Variants in PKHD1 observed in about 807,000 individuals in gnomAD.
The protein encoded by PKHD1 is fibrocystin.
A neutral mutation model predicts 412.0 loss-of-function variants in PKHD1; 291 were observed. The ratio of observed to expected loss-of-function variants is 0.71; its 90% CI spans 0.64 to 0.78. The LOEUF (loss-of-function observed/expected upper bound fraction) is 0.78, where lower values mean the gene tolerates loss of function less well. Ranked by LOEUF, PKHD1 falls within the 30% of genes least tolerant of loss-of-function variation. The pLI is 0.00. For synonymous variants in PKHD1, 1,777 were observed against 1,821.5 expected (o/e 0.98, Z 0.62); for missense variants, 4,825 against 4,950.7 (o/e 0.97, Z 0.76).
chr6:51,731,838 T>C (rs1327464250), intron 60 of PKHD1, among the ~76,000 whole-genome samples: 2 of 152,190 alleles, frequency 1.3e-5, no homozygotes, highest in East Asian at 1.9e-4. Flanking sequence ...CTTCAAATTA[T>C]GTATAATTTT....
intron 48 of PKHD1, among the ~76,000 whole-genome samples, chr6:51,867,455 C>T (rs1237895314): frequency 2.0e-5 from 3 of 152,020 alleles, no homozygotes; most frequent in African/African-American, 7.2e-5. Flanking sequence ...GCAATTGCTT[C>T]CCTGGAGCAT....
At position 52,024,822 on chromosome 6, in the gene PKHD1, A is replaced by G; in HGVS notation, c.4988T>C (p.Ile1663Thr). ...GGTTAAGATGTCATCGCTCTGAGAAATAGAGATCAATTCTGGGGTAAAGGC... is the reference window on the plus strand; with the variant it reads ...GGTTAAGATGTCATCGCTCTGAGAAGTAGAGATCAATTCTGGGGTAAAGGC... The part of the protein sequence containing the change: ...NKAFTPELIS[I>T]SQSDDILTFA... The change falls in exon 32 of 67, where the codon ATT (isoleucine) becomes ACT (threonine). Residue 1663 changes from isoleucine (I) to threonine (T), a missense_variant. Physicochemically the swap from Ile to Thr is moderately conservative, Grantham distance 89. Transcript: ENST00000371117. The G allele has an allele frequency of 6.2e-7, 1 of 1,614,248 alleles. No homozygotes were observed.
Position 52,083,231 on chromosome 6 carries a change from T to C in PKHD1, c.77A>G (p.Glu26Gly). 1 of 1,611,278 alleles carries C rather than the reference T, an allele frequency of 6.2e-7. No homozygotes were observed. Among genetic ancestry groups the C allele is most frequent in the Non-Finnish European group, 8.5e-7 (1 of 1,177,368 alleles). The change falls in exon 3 of 67, where the codon GAA becomes GGA. Residue 26 changes from glutamate (E) to glycine (G), a missense_variant. Transcript: ENST00000371117. ...LAVRHLSLHI[E>G]PEEGSLAGGT... ...CCCTGCAAGGCTACCTTCTTCAGGT[T>C]CAATATGTAAACTCAGGTGACGTAC...
intron 36 of PKHD1, among the ~76,000 whole-genome samples, chr6:51,950,220 A>AAAAAAAAAAAAAAATATATACAT: frequency 1.0e-5 from 1 of 98,328 alleles, no homozygotes; most frequent in African/African-American, 3.8e-5. Flanking sequence ...GAAAAAAAAA[A>AAAAAAAAAAAAAAATATATACAT]ATATATATAT....
At chr6:51,951,862 C>T (rs1470095992) in intron 36 of PKHD1, among the ~76,000 whole-genome samples, 2 of 152,112 alleles carry the variant, frequency 1.3e-5, no homozygotes, top group East Asian at 1.9e-4. Flanking sequence ...CCCTATAAGC[C>T]ATATTAAGTT....
intron 60 of PKHD1, among the ~76,000 whole-genome samples, chr6:51,718,484 G>A (rs9395708): frequency 0.31 from 47,222 of 152,096 alleles, 9,045 homozygotes; most frequent in East Asian, 0.56. Context: ...TCACTATTGC[G>A]TAGGAGGTAT....
intron 52 of PKHD1, among the ~76,000 whole-genome samples, chr6:51,826,643 A>G (rs2151486410): frequency 6.6e-6 from 1 of 152,318 alleles, no homozygotes; most frequent in South Asian, 2.1e-4. Flanking sequence ...TTAGAAAGCA[A>G]AGACAGTCAG....
intron 36 of PKHD1, among the ~76,000 whole-genome samples, chr6:51,956,094 T>G (rs1266919): frequency 6.6e-6 from 1 of 151,790 alleles, no homozygotes; most frequent in Non-Finnish European, 1.5e-5. Context: ...GTTACATTGA[T>G]CAGATATTTG....
At chr6:51,632,526 C>T (rs773151079) in intron 65 of PKHD1, 39 bp downstream of exon 65, 17 of 1,550,294 alleles carry the variant, frequency 1.1e-5, no homozygotes, top group Admixed American at 1.8e-5. Context: ...ACTTTTTTTT[C>T]AGAAATTTTC....
At chr6:51,749,996 T>C (rs1352871946) in intron 57 of PKHD1, among the ~76,000 whole-genome samples, 1 of 152,210 alleles carries the variant, frequency 6.6e-6, no homozygotes, top group Non-Finnish European at 1.5e-5. Context: ...TGTTTCACTG[T>C]TTCAATAATA....
Position 52,025,139 on chromosome 6 carries a change from A to T in PKHD1, c.4671T>A (p.Asn1557Lys). The part of the protein sequence containing the change: ...PHYLSVFYTR[N>K]GYACSGNVSR... ...AAACATTACCAGAACAAGCATACCC[A>T]TTTCTTGTATAAAAAACTGACAGGT... The change falls in exon 32 of 67, where the codon AAT (asparagine) becomes AAA (lysine). Residue 1557 changes from asparagine to lysine, a missense_variant. Physicochemically the swap from Asn to Lys is moderately conservative, Grantham distance 94 (BLOSUM62 0). Coordinates refer to ENST00000371117, the MANE Select transcript of PKHD1 (RefSeq NM_138694.4). The T allele has an allele frequency of 6.2e-7, 1 of 1,614,038 alleles. No homozygotes were observed. Among genetic ancestry groups the T allele is most frequent in the Non-Finnish European group, 8.5e-7 (1 of 1,179,910 alleles).
At chr6:51,948,352 C>T (rs966113783) in intron 36 of PKHD1, among the ~76,000 whole-genome samples, 2 of 152,120 alleles carry the variant, frequency 1.3e-5, no homozygotes, top group Admixed American at 6.6e-5. Flanking sequence ...GCCCCATCTG[C>T]CTCTGCTCTC....
In PKHD1 at chr6:51,618,910, T is replaced by C. The variant is rs949580497; in HGVS notation, c.*171A>G. ...AAAATATGTATGAGACATTTTTCAG[T>C]CTGTAAGCATTTATATGACTGTTTT... On this transcript the variant is annotated 3_prime_UTR_variant, in exon 67 of 67. Coordinates refer to ENST00000371117, the MANE Select transcript of PKHD1 (RefSeq NM_138694.4). The C allele has an allele frequency of 6.0e-6, 4 of 671,382 alleles. No individual in the cohort carries two copies. In the Admixed American group the frequency reaches 9.4e-5, roughly 16 times the overall value. The allele number at this position is 671,382 out of a possible 1,614,324, so 41.6% of individuals were successfully genotyped here.
At chr6:51,944,621 T>G (rs1162535572) in intron 36 of PKHD1, among the ~76,000 whole-genome samples, 2 of 152,136 alleles carry the variant, frequency 1.3e-5, no homozygotes, top group Non-Finnish European at 2.9e-5. Flanking sequence ...CCCCATACCC[T>G]AGTTCCCTGC....
rs112314158 is a variant in PKHD1, at chr6:51,734,235, C to T, written c.10156+10150G>A. Among the ~76,000 whole-genome samples the T allele has an allele frequency of 6.1e-3, 936 of 152,232 alleles. 16 individuals are homozygous for T. The highest frequency in any genetic ancestry group is 0.022 in the African/African-American group (901 of 41,544). On this transcript the variant is annotated intron_variant, in intron 60 of 66. Coordinates refer to ENST00000371117, the MANE Select transcript of PKHD1 (RefSeq NM_138694.4). ...TCAGTATTTTAATACACATGGTGGT[C>T]TCCAAAATAGGAATAGTCAGAGTTT...
chr6:51,901,247 A>G (rs965987247), intron 43 of PKHD1, among the ~76,000 whole-genome samples: 1 of 152,234 alleles, frequency 6.6e-6, no homozygotes, highest in African/African-American at 2.4e-5. Flanking sequence ...ATTAGTCACA[A>G]TAGCAAAGAC....
intron 29 of PKHD1, among the ~76,000 whole-genome samples, 168 bp from the exon 30 acceptor site, chr6:52,028,519 A>ATTT (rs5876250): frequency 4.2e-5 from 6 of 143,836 alleles, no homozygotes; most frequent in Admixed American, 6.9e-5. Flanking sequence ...TCTAACAACT[A>ATTT]TTTTTTTTTT....
chr6:51,733,162 T>C (rs776050071), intron 60 of PKHD1, among the ~76,000 whole-genome samples: 4 of 151,960 alleles, frequency 2.6e-5, no homozygotes, highest in Non-Finnish European at 4.4e-5. Context: ...GTTTTAAGAG[T>C]TGAAAAGACT....
At chr6:51,873,694 G>A (rs1328012338) in intron 46 of PKHD1, among the ~76,000 whole-genome samples, 5 of 152,136 alleles carry the variant, frequency 3.3e-5, no homozygotes, top group African/African-American at 7.2e-5. Context: ...TAATGTCCTT[G>A]CATTACTTAT....
Sources: allele counts gnomAD v4.1 joint callset (sites outside exome capture counted in the v4.1 genomes callset), GRCh38; gene constraint gnomAD v4.1.1; transcripts MANE v1.5; gene names NCBI Gene and HGNC (gene_info 2026-07-23, HGNC 2026-07-21).